Variants in FGF12 observed in about 807,000 individuals in gnomAD.
FGF12 encodes the protein fibroblast growth factor 12, also known as fibroblast growth factor 12B.
In FGF12, 14 loss-of-function variants were observed where a neutral mutation model predicts 23.6. That is an observed-to-expected ratio of 0.59 (90% CI 0.39 to 0.93). The LOEUF is 0.93. FGF12 is among the 40% of genes least tolerant of loss of function. The pLI is 0.00. For missense variants in FGF12, 175 were observed against 217.8 expected, an observed-to-expected ratio of 0.80 and a Z score of 1.24; for synonymous variants, 62 against 77.3, an observed-to-expected ratio of 0.80 and a Z score of 1.04.
intron 4 of FGF12, among the ~76,000 whole-genome samples, chr3:192,216,528 T>C (rs1402985451): frequency 6.6e-6 from 1 of 152,206 alleles, no homozygotes; most frequent in African/African-American, 2.4e-5. Context: ...TCCCTTTATA[T>C]AAAATTTTTT....
At chr3:192,455,005 T>A (rs1293386500) in intron 2 of FGF12, among the ~76,000 whole-genome samples, 1 of 152,158 alleles carries the variant, frequency 6.6e-6, no homozygotes, top group Non-Finnish European at 1.5e-5. Flanking sequence ...AATACTTTTT[T>A]AAAAAACTCC....
At chr3:192,707,744 C>CAAAA (rs780175053) in intron 2 of FGF12, among the ~76,000 whole-genome samples, 3 of 84,844 alleles carry the variant, frequency 3.5e-5, no homozygotes, top group African/African-American at 5.1e-5. Flanking sequence ...GACTCCTTCT[C>CAAAA]AAAAAAAAAA....
chr3:192,492,088 T>C (rs958416713), intron 2 of FGF12, among the ~76,000 whole-genome samples: 1 of 152,184 alleles, frequency 6.6e-6, no homozygotes, highest in African/African-American at 2.4e-5. Flanking sequence ...TCTAGGTTTG[T>C]ATGGACTTTT....
intron 3 of FGF12, among the ~76,000 whole-genome samples, chr3:192,355,787 T>C (rs1718447495): frequency 1.3e-5 from 2 of 152,316 alleles, no homozygotes; most frequent in African/African-American, 4.8e-5. Context: ...CTGTGTTTGG[T>C]AAAGAAGCAG....
chr3:192,204,267 C>T (rs1161201252), intron 4 of FGF12, among the ~76,000 whole-genome samples: 1 of 152,150 alleles, frequency 6.6e-6, no homozygotes, highest in Non-Finnish European at 1.5e-5. Flanking sequence ...AGAGTCTCAA[C>T]ATGCAAAGCT....
chr3:192,528,287 T>C (rs914435469), intron 2 of FGF12, among the ~76,000 whole-genome samples: 10 of 152,142 alleles, frequency 6.6e-5, no homozygotes, highest in African/African-American at 2.4e-4. Context: ...GCAGGCCCCA[T>C]GTAAGTCCGA....
chr3:192,168,625 T>C (rs1482909048), intron 5 of FGF12, among the ~76,000 whole-genome samples: 1 of 152,260 alleles, frequency 6.6e-6, no homozygotes, highest in African/African-American at 2.4e-5. Context: ...TAAAGTTCTC[T>C]GGCGCATATA....
intron 2 of FGF12, among the ~76,000 whole-genome samples, chr3:192,595,440 C>T (rs1713799530): frequency 6.6e-6 from 1 of 152,172 alleles, no homozygotes; most frequent in Non-Finnish European, 1.5e-5. Flanking sequence ...ATGTGTCCTT[C>T]TTGGCCTCGG....
intron 2 of FGF12, among the ~76,000 whole-genome samples, chr3:192,711,048 A>G (rs1352405877): frequency 1.3e-5 from 2 of 152,204 alleles, no homozygotes; most frequent in East Asian, 3.9e-4. Context: ...ATGAACACAG[A>G]GCTTCCAGTC....
intron 4 of FGF12, among the ~76,000 whole-genome samples, chr3:192,301,754 A>T (rs1715360332): frequency 6.6e-6 from 1 of 151,996 alleles, no homozygotes; most frequent in Admixed American, 6.6e-5. Context: ...GAATTATGAC[A>T]CTCTTCAACA....
intron 4 of FGF12, chr3:192,268,814 C>A: frequency 3.7e-6 from 1 of 269,640 alleles, no homozygotes; most frequent in Non-Finnish European, 7.8e-6. Flanking sequence ...TATAGCAATG[C>A]AAGAATAATC....
intron 2 of FGF12, among the ~76,000 whole-genome samples, chr3:192,491,108 A>T (rs1201879985): frequency 6.6e-6 from 1 of 152,196 alleles, no homozygotes; most frequent in Non-Finnish European, 1.5e-5. Context: ...CATTTCTTCT[A>T]CAACCCTTCC....
chr3:192,143,980 G>T lies in FGF12; in HGVS notation c.*29C>A. 1 of 1,305,680 alleles carries T rather than the reference G, an allele frequency of 7.7e-7. No homozygotes were observed. The highest frequency in any genetic ancestry group is 1.1e-6 in the Non-Finnish European group (1 of 898,902). The allele number at this position is 1,305,680 out of a possible 1,614,324, so 80.9% of individuals were successfully genotyped here. A position where few individuals can be genotyped will look rare whatever the true frequency, so the allele number is the denominator to read the frequency against. On this transcript the variant is annotated 3_prime_UTR_variant, in exon 6 of 6. Coordinates refer to ENST00000445105, the MANE Select transcript of FGF12 (RefSeq NM_004113.6). ...GGGAAGGAAGGGAAGGGGAAGGGAT[G>T]AGAGAGGGAAGAAGGGGAGAGTTCT...
At chr3:192,645,346 C>G (rs1166436543) in intron 2 of FGF12, among the ~76,000 whole-genome samples, 1 of 152,110 alleles carries the variant, frequency 6.6e-6, no homozygotes, top group African/African-American at 2.4e-5. Context: ...GAAATAAAAA[C>G]ATATTAAATA....
Position 192,445,749 on chromosome 3 carries a change from T to A in FGF12, c.14-85211A>T, listed in dbSNP as rs999567366. On this transcript the variant is annotated intron_variant, in intron 2 of 5. Transcript: ENST00000445105. ...AACTCTTATGAGTTTGCTCTTGGAA[T>A]CCTATGGATTCAAATAATTAGCCAA... Among the ~76,000 whole-genome samples the A allele has an allele frequency of 8.5e-5, 13 of 152,262 alleles. No homozygotes were observed. The East Asian group carries it at 2.3e-3, about 27-fold the overall frequency.
At chr3:192,219,367 G>A (rs974658337) in intron 4 of FGF12, among the ~76,000 whole-genome samples, 2 of 151,820 alleles carry the variant, frequency 1.3e-5, no homozygotes, top group South Asian at 4.2e-4. Context: ...TTACAGATGT[G>A]AGCCACTGCG....
intron 2 of FGF12, among the ~76,000 whole-genome samples, chr3:192,682,474 T>C (rs189699629): frequency 6.6e-6 from 1 of 152,238 alleles, no homozygotes; most frequent in African/African-American, 2.4e-5. Context: ...CTCAGTTTCC[T>C]CACCTGTCAA....
chr3:192,567,968 G>A (rs184902416), intron 2 of FGF12, among the ~76,000 whole-genome samples: 24 of 151,842 alleles, frequency 1.6e-4, no homozygotes, highest in African/African-American at 5.6e-4. Context: ...GAGTAGCTGG[G>A]ATTACAGGCA....
intron 2 of FGF12, among the ~76,000 whole-genome samples, chr3:192,510,280 T>C (rs1724429364): frequency 6.6e-6 from 1 of 152,090 alleles, no homozygotes; most frequent in South Asian, 2.1e-4. Flanking sequence ...AACTCAACAA[T>C]GAGAAATGAA....
Sources: allele counts gnomAD v4.1 joint callset (sites outside exome capture counted in the v4.1 genomes callset), GRCh38; gene constraint gnomAD v4.1.1; transcripts MANE v1.5; gene names NCBI Gene and HGNC (gene_info 2026-07-23, HGNC 2026-07-21).